Variants in TICRR observed in about 807,000 individuals in gnomAD.
TICRR encodes TOPBP1 interacting checkpoint and replication regulator.
In TICRR, 132 loss-of-function variants were observed where a neutral mutation model predicts 178.1. The ratio of observed to expected loss-of-function variants is 0.74; its 90% CI spans 0.64 to 0.86. The LOEUF is 0.86. Among genes scored for constraint, TICRR ranks in the 40% least tolerant of loss-of-function variants. The probability of loss-of-function intolerance (pLI) is 0.00; values close to 1 mark genes in which losing one functional copy is unlikely to be tolerated. For synonymous variants in TICRR, 991 were observed against 900.7 expected (o/e 1.10, Z -1.79); for missense variants, 2,587 against 2,334.3 (o/e 1.11, Z -2.23).
At chr15:89,620,740 T>C (rs1415195495) in intron 18 of TICRR, among the ~76,000 whole-genome samples, 1 of 152,060 alleles carries the variant, frequency 6.6e-6, no homozygotes, top group African/African-American at 2.4e-5. Context: ...GTTTGTTTTT[T>C]GAGATGGAGT....
chr15:89,576,119 C>T lies in TICRR; in HGVS notation c.533C>T (p.Ala178Val). The T allele has an allele frequency of 1.2e-6, 2 of 1,610,706 alleles. No individual in the cohort carries two copies. Among genetic ancestry groups the T allele is most frequent in the Admixed American group, 3.3e-5 (2 of 60,028 alleles). Residue 178 changes from alanine to valine, a missense_variant, in exon 1 of 22, where the codon GCC (alanine) becomes GTC (valine). Physicochemically the swap from Ala to Val is moderately conservative, Grantham distance 64. Transcript: ENST00000268138. ...TTCGTGTCTGGGTGCGAGGCCCAGG[C>T]CCAGCGCCTGCCGCCCACCCCTAAG... ...LQFVSGCEAQAQRLPPTPKQV... is the reference protein window; with the variant it reads ...LQFVSGCEAQVQRLPPTPKQV...
chr15:89,583,558 T>C (rs1286743178), intron 2 of TICRR, among the ~76,000 whole-genome samples: 1 of 152,232 alleles, frequency 6.6e-6, no homozygotes, highest in African/African-American at 2.4e-5. Flanking sequence ...GTTTTGTTTA[T>C]ATAATTTCAT....
intron 15 of TICRR, among the ~76,000 whole-genome samples, chr15:89,609,910 G>C (rs1424743761): frequency 6.6e-6 from 1 of 151,712 alleles, no homozygotes; most frequent in Non-Finnish European, 1.5e-5. Flanking sequence ...CACTGCTTTA[G>C]GCATATCCTA....
At chr15:89,597,066 G>A (rs1160580284) in intron 7 of TICRR, among the ~76,000 whole-genome samples, 3 of 152,110 alleles carry the variant, frequency 2.0e-5, no homozygotes, top group Admixed American at 6.6e-5. Flanking sequence ...AAAATAATGG[G>A]TATTCTCTAA....
intron 14 of TICRR, among the ~76,000 whole-genome samples, chr15:89,608,584 C>T (rs773644498): frequency 6.6e-6 from 1 of 152,102 alleles, no homozygotes; most frequent in East Asian, 1.9e-4. Flanking sequence ...CTACCTCATG[C>T]AAAATAACAT....
intron 16 of TICRR, 146 bp from the exon 17 acceptor site, chr15:89,618,006 A>C (rs1293494616): frequency 1.7e-5 from 14 of 818,214 alleles, no homozygotes; most frequent in Non-Finnish European, 2.7e-5. Context: ...TCTTGACAAT[A>C]ATCACGTATG....
intron 16 of TICRR, among the ~76,000 whole-genome samples, chr15:89,617,293 A>G (rs1333030766): frequency 6.6e-6 from 1 of 152,232 alleles, no homozygotes; most frequent in African/African-American, 2.4e-5. Flanking sequence ...AAATTGCGAA[A>G]AGTGAAATTG....
chr15:89,581,058 C>A (rs1962716295), intron 1 of TICRR, among the ~76,000 whole-genome samples: 1 of 152,104 alleles, frequency 6.6e-6, no homozygotes, highest in African/African-American at 2.4e-5. Flanking sequence ...TAAATGAAAG[C>A]AGTCTATTCA....
At chr15:89,602,297 A>G (rs1434241856) in intron 12 of TICRR, among the ~76,000 whole-genome samples, 2 of 152,168 alleles carry the variant, frequency 1.3e-5, no homozygotes, top group Admixed American at 6.5e-5. Context: ...TCATTTATGT[A>G]TATTTTTTCA....
intron 4 of TICRR, among the ~76,000 whole-genome samples, chr15:89,586,813 G>C (rs563761996): frequency 6.6e-6 from 1 of 152,190 alleles, no homozygotes; most frequent in Admixed American, 6.5e-5. Context: ...GAGAGTAGGA[G>C]GGGGTGAGGT....
intron 7 of TICRR, among the ~76,000 whole-genome samples, chr15:89,598,856 A>G (rs1323164357): frequency 1.3e-5 from 2 of 152,006 alleles, no homozygotes; most frequent in African/African-American, 4.8e-5. Context: ...AAATACAGAA[A>G]ATAAGCTAGG....
At chr15:89,599,553 C>A in intron 8 of TICRR, 78 bp downstream of exon 8, 1 of 1,427,984 alleles carries the variant, frequency 7.0e-7, no homozygotes, top group Non-Finnish European at 9.6e-7. Context: ...TGGTTAGTGT[C>A]TTGGAAAATG....
At chr15:89,601,233 A>C in intron 9 of TICRR, 65 bp from the exon 10 acceptor site, 1 of 1,421,790 alleles carries the variant, frequency 7.0e-7, no homozygotes, top group Non-Finnish European at 9.9e-7. Flanking sequence ...ATCTATGCTT[A>C]CGGAAGGAGC....
chr15:89,604,043 A>C (rs2141967431), intron 13 of TICRR, among the ~76,000 whole-genome samples: 1 of 152,312 alleles, frequency 6.6e-6, no homozygotes, highest in East Asian at 1.9e-4. Flanking sequence ...GTTGAAAAAA[A>C]AATAAACCTA....
At position 89,627,280 on chromosome 15, in the gene TICRR, C is replaced by A; in HGVS notation, c.*194C>A. On this transcript the variant is annotated 3_prime_UTR_variant, in exon 22 of 22. Transcript: ENST00000268138. ...GCCCTGCCCCTTGTTGGGGAAGTTG[C>A]AGGAGGAGAGGTGGATGGCAATGTG... 1 of 663,314 alleles carries A rather than the reference C, an allele frequency of 1.5e-6. No homozygotes were observed. Among genetic ancestry groups the A allele is most frequent in the East Asian group, 2.8e-5 (1 of 35,634 alleles). The allele number at this position is 663,314 out of a possible 1,614,324, so 41.1% of individuals were successfully genotyped here. A position where few individuals can be genotyped will look rare whatever the true frequency, so the allele number is the denominator to read the frequency against.
intron 1 of TICRR, among the ~76,000 whole-genome samples, chr15:89,580,757 G>A (rs1252922180): frequency 6.6e-6 from 1 of 152,312 alleles, no homozygotes; most frequent in South Asian, 2.1e-4. Context: ...GTCTAGGCCA[G>A]GCCTAGTGGC....
In TICRR at chr15:89,576,016, G is replaced by C. The variant is rs1272449767; in HGVS notation, c.430G>C (p.Glu144Gln). 1 of 1,608,992 alleles carries C rather than the reference G, an allele frequency of 6.2e-7. No homozygotes were observed. The highest frequency in any genetic ancestry group is 1.3e-5 in the African/African-American group (1 of 74,856). Reference sequence around the variant, plus strand: ...CGTGGAGAGCGAGGCCAAGGAGGCCGAGGCCGCGCTCGGGGGCTTGGTGAA... The same window carrying C: ...CGTGGAGAGCGAGGCCAAGGAGGCCCAGGCCGCGCTCGGGGGCTTGGTGAA... ...LDVESEAKEA[E>Q]AALGGLVNAV... Residue 144 changes from glutamate (E) to glutamine (Q), a missense_variant, in exon 1 of 22, where the codon GAG becomes CAG. Coordinates refer to ENST00000268138, the MANE Select transcript of TICRR (RefSeq NM_152259.4).
intron 9 of TICRR, among the ~76,000 whole-genome samples, chr15:89,600,942 A>G (rs1458088902): frequency 6.8e-6 from 1 of 148,108 alleles, no homozygotes; most frequent in South Asian, 2.2e-4. Flanking sequence ...GCTACTTGGG[A>G]TGCTGAAGCT....
In TICRR at chr15:89,625,730, C is replaced by CA; in HGVS notation, c.5422dup (p.Ser1808LysfsTer62). 5 of 1,613,118 alleles carry CA rather than the reference C, an allele frequency of 3.1e-6. No individual in the cohort carries two copies. In the South Asian group the frequency reaches 5.5e-5, roughly 18 times the overall value. Reference sequence around the variant, plus strand: ...GTTAGTAAGAGTAAAGAGGGGTCTCCAAGTTGGAGTGCATGGCAGCTACCC... The same window carrying CA: ...GTTAGTAAGAGTAAAGAGGGGTCTCCAAAGTTGGAGTGCATGGCAGCTACCC... On this transcript the variant is annotated frameshift_variant, in exon 20 of 22. Transcript: ENST00000268138. LOFTEE classifies it high-confidence loss of function.
Sources: gnomAD v4.1 joint callset for allele counts (sites outside exome capture counted in the v4.1 genomes callset) on GRCh38, gnomAD v4.1.1 for gene constraint, MANE v1.5 for transcripts, NCBI Gene and HGNC (gene_info 2026-07-23, HGNC 2026-07-21) for gene names.